The following LDHB variants were observed in gnomAD, a reference collection of about 807,000 sequenced individuals.
LDHB encodes lactate dehydrogenase B, also known as L-lactate dehydrogenase B chain.
In LDHB, 18 loss-of-function variants were observed where a neutral mutation model predicts 33.4. That is an observed-to-expected ratio of 0.54 (90% CI 0.37 to 0.80). The LOEUF (loss-of-function observed/expected upper bound fraction) is 0.80. Among genes scored for constraint, LDHB ranks in the 30% least tolerant of loss-of-function variants. The pLI, the probability that LDHB is intolerant of heterozygous loss-of-function variation, is 0.00. For synonymous variants in LDHB, 121 were observed against 140.6 expected, an observed-to-expected ratio of 0.86 and a Z score of 0.98; for missense variants, 345 against 407.9, an observed-to-expected ratio of 0.85 and a Z score of 1.33.
At position 21,647,026 on chromosome 12, in the gene LDHB, CA is replaced by C; in HGVS notation, c.130-11del. ...GTTCATCAGCCAGAGACTGTAAACGCAAAAACAGGCATTAGAACCCTAAGCC... is the reference window on the plus strand; with the variant it reads ...GTTCATCAGCCAGAGACTGTAAACGCAAAACAGGCATTAGAACCCTAAGCC... On this transcript the variant is annotated splice_polypyrimidine_tract_variant and intron_variant, in intron 2 of 7. Coordinates refer to ENST00000350669, the MANE Select transcript of LDHB (RefSeq NM_002300.8). 1.3e-6 allele frequency: 2 copies of C among 1,532,562 alleles called. No homozygotes were observed. The highest frequency in any genetic ancestry group is 1.8e-6 in the Non-Finnish European group (2 of 1,109,016). 94.9% of individuals were successfully genotyped at this position (1,532,562 alleles called of 1,614,324 possible). A position where few individuals can be genotyped will look rare whatever the true frequency, so the allele number is the denominator to read the frequency against.
chr12:21,654,735 A>G, intron 1 of LDHB, 58 bp from the exon 2 acceptor site: 1 of 1,421,316 alleles, frequency 7.0e-7, no homozygotes, highest in Non-Finnish European at 1.0e-6. Flanking sequence ...CCAAATAGAA[A>G]TCATCCTTAA....
intron 2 of LDHB, among the ~76,000 whole-genome samples, chr12:21,648,375 C>A (rs1000084922): frequency 1.3e-5 from 2 of 151,990 alleles, no homozygotes; most frequent in Non-Finnish European, 2.9e-5. Context: ...GCAAAAGACT[C>A]TCCATATATG....
intron 2 of LDHB, among the ~76,000 whole-genome samples, chr12:21,652,824 C>G (rs550554545): frequency 5.9e-5 from 9 of 152,240 alleles, no homozygotes; most frequent in South Asian, 4.2e-4. Context: ...TAGCTAGAAG[C>G]AAATGCAAAA....
chr12:21,641,863 G>T (rs893979236), intron 5 of LDHB, 89 bp downstream of exon 5: 53 of 1,155,492 alleles, frequency 4.6e-5, no homozygotes, highest in Non-Finnish European at 5.5e-5. Context: ...GTACATCAAA[G>T]TCTATAAAAA....
rs182318428 is a variant in LDHB at position 21,637,993 on chromosome 12, C to A, written c.713+360G>T. ...AAACTTAAACACTGTTAGCAATCAG[C>A]AAGCAAGTTTATTTATTTGGGGCAA... is the stretch of plus-strand genomic sequence containing the variant. On this transcript the variant is annotated intron_variant, in intron 6 of 7. Transcript: ENST00000350669. Among the ~76,000 whole-genome samples the A allele has an allele frequency of 2.5e-3, 377 of 152,030 alleles. 4 individuals carry two copies. The highest frequency in any genetic ancestry group is 7.9e-3 in the African/African-American group (327 of 41,534).
At chr12:21,654,945 ACC>A (rs1311700100) in intron 1 of LDHB, among the ~76,000 whole-genome samples, 1 of 151,892 alleles carries the variant, frequency 6.6e-6, no homozygotes, top group Non-Finnish European at 1.5e-5. Context: ...ACATGGTGAA[ACC>A]CCGTCTCTAC....
chr12:21,650,154 C>CACA (rs1565629939), intron 2 of LDHB, among the ~76,000 whole-genome samples: 1 of 141,082 alleles, frequency 7.1e-6, no homozygotes, highest in African/African-American at 2.8e-5. Flanking sequence ...ACACACACGT[C>CACA]TCTCTCTCCA....
chr12:21,657,614 G>GGAT (rs1938895459), intron 1 of LDHB, 137 bp downstream of exon 1: 1 of 152,496 alleles, frequency 6.6e-6, no homozygotes, highest in African/African-American at 2.4e-5. Context: ...GCCCGCGGCC[G>GGAT]GATGCTCAGA....
Position 21,646,956 on chromosome 12 carries a change from T to A in LDHB, c.190A>T (p.Met64Leu). 6.2e-7 allele frequency: 1 copy of A among 1,613,890 alleles called. No individual in the cohort carries two copies. Among genetic ancestry groups the A allele is most frequent in the Non-Finnish European group, 8.5e-7 (1 of 1,179,828 alleles). Reference protein sequence around the residue: ...VLEDKLKGEMMDLQHGSLFLQ... With the variant: ...VLEDKLKGEMLDLQHGSLFLQ... ...AATAAGCTCCCATGCTGCAGATCCA[T>A]CATTTCTCCTTTAAGCTTATCTTCC... The change falls in exon 3 of 8, where the codon ATG (methionine) becomes TTG (leucine). Residue 64 changes from methionine (M) to leucine (L), a missense_variant. Coordinates refer to ENST00000350669, the MANE Select transcript of LDHB (RefSeq NM_002300.8).
intron 2 of LDHB, chr12:21,654,342 T>C: frequency 1.7e-6 from 1 of 581,626 alleles, no homozygotes; most frequent in East Asian, 3.0e-5. Flanking sequence ...AGTAACTATT[T>C]ATGGTCACAT....
chr12:21,646,846 T>C (rs1938539621), intron 3 of LDHB, 53 bp downstream of exon 3: 7 of 1,037,182 alleles, frequency 6.7e-6, no homozygotes, highest in Non-Finnish European at 1.1e-5. Flanking sequence ...TCCAAATGTG[T>C]TTTGGGGCCA....
intron 5 of LDHB, among the ~76,000 whole-genome samples, chr12:21,641,328 GGTATTTGCACCAAAA>G (rs1230455050): frequency 6.6e-6 from 1 of 151,980 alleles, no homozygotes; most frequent in African/African-American, 2.4e-5. Context: ...TCATTTCTGT[GGTATTTGCACCAAAA>G]GTTCATAGCT....
intron 2 of LDHB, among the ~76,000 whole-genome samples, chr12:21,652,103 A>G (rs1938705182): frequency 6.5e-5 from 1 of 15,488 alleles, no homozygotes; most frequent in Non-Finnish European, 2.2e-3. Flanking sequence ...TTTAAAATTT[A>G]TGATTACATC....
At chr12:21,647,057 T>G in intron 2 of LDHB, 41 bp from the exon 3 acceptor site, 2 of 1,164,972 alleles carry the variant, frequency 1.7e-6, no homozygotes, top group Non-Finnish European at 2.6e-6. Context: ...TAAGCCACTC[T>G]AGGATGCGTC....
At chr12:21,655,637 T>A (rs1007829147) in intron 1 of LDHB, among the ~76,000 whole-genome samples, 1 of 152,194 alleles carries the variant, frequency 6.6e-6, no homozygotes, top group African/African-American at 2.4e-5. Context: ...GATAGACACT[T>A]AATACATTGT....
chr12:21,643,538 ATC>A (rs1938429985), intron 4 of LDHB: 1 of 180,522 alleles, frequency 5.5e-6, no homozygotes. Flanking sequence ...TTCAAAGTTG[ATC>A]TGTTTCAATT....
At position 21,638,450 on chromosome 12, in the gene LDHB, TCACACCA is replaced by T; in HGVS notation, c.609_615del (p.Ser203ArgfsTer11). ...TCCTGGAGAGAAACACCTGCCACAT[TCACACCA>T]CTCCACACAGCCACTGTTTAAAAAA... On this transcript the variant is annotated frameshift_variant, in exon 6 of 8. Transcript: ENST00000350669. LOFTEE classifies it high-confidence loss of function. 6.2e-7 allele frequency: 1 copy of T among 1,602,404 alleles called. No individual in the cohort carries two copies. Among genetic ancestry groups the T allele is most frequent in the Non-Finnish European group, 8.5e-7 (1 of 1,171,690 alleles).
At chr12:21,637,374 C>A (rs1380084050) in intron 6 of LDHB, 180 bp from the exon 7 acceptor site, 5 of 583,518 alleles carry the variant, frequency 8.6e-6, no homozygotes, top group Non-Finnish European at 1.2e-5. Flanking sequence ...ATGCTTAAAA[C>A]TGTAAGCACT....
rs548669467 is a variant in LDHB, at chr12:21,653,726, GAATT to G, written c.129+813_129+816del. Among the ~76,000 whole-genome samples the G allele has an allele frequency of 5.9e-5, 9 of 152,128 alleles. No individual in the cohort carries two copies. In the South Asian group the frequency reaches 1.5e-3, roughly 25 times the overall value. On this transcript the variant is annotated intron_variant, in intron 2 of 7. Coordinates refer to ENST00000350669, the MANE Select transcript of LDHB (RefSeq NM_002300.8). The stretch of plus-strand genomic sequence containing the variant: ...ATGTTAAGAATTGGTAAATGTAGGT[GAATT>G]ATTTATGAAAGTTTTATTTTCTTGC...
Sources: gnomAD v4.1 joint callset for allele counts (sites outside exome capture counted in the v4.1 genomes callset) on GRCh38, gnomAD v4.1.1 for gene constraint, MANE v1.5 for transcripts, NCBI Gene and HGNC (gene_info 2026-07-23, HGNC 2026-07-21) for gene names.